Variants in ITM2B observed in about 807,000 individuals in gnomAD.
The protein encoded by ITM2B is ABri/ADan amyloid peptide.
A neutral mutation model predicts 27.8 loss-of-function variants in ITM2B; 11 were observed. The observed-to-expected ratio is 0.40, with a 90% CI of 0.25 to 0.66. The LOEUF (loss-of-function observed/expected upper bound fraction) is 0.66. Ranked by LOEUF, ITM2B falls within the 30% of genes least tolerant of loss-of-function variation. The pLI is 0.43. For missense variants in ITM2B, 296 were observed against 328.9 expected (o/e 0.90, Z 0.77); for synonymous variants, 114 against 114.3 (o/e 1.00, Z 0.02).
chr13:48,258,930 G>A lies in ITM2B; in HGVS notation c.698G>A (p.Arg233His), dbSNP rs368050477. 7 of 1,612,774 alleles carry A rather than the reference G, an allele frequency of 4.3e-6. No individual in the cohort carries two copies. Among genetic ancestry groups the A allele is most frequent in the Non-Finnish European group, 5.1e-6 (6 of 1,179,062 alleles). ...CHDKETYKLQ[R>H]RETIKGIQKR... ...GACAAGGAAACTTACAAACTGCAAC[G>A]CAGAGAAACTATTAAAGGTAATACT... The change falls in exon 5 of 6, where the codon CGC becomes CAC. Residue 233 changes from arginine (R) to histidine (H), a missense_variant. By Grantham distance (29) the Arg-to-His change is conservative. Coordinates refer to ENST00000647800, the MANE Select transcript of ITM2B (RefSeq NM_021999.5).
At chr13:48,239,556 T>A (rs985644245) in intron 1 of ITM2B, among the ~76,000 whole-genome samples, 2 of 152,278 alleles carry the variant, frequency 1.3e-5, no homozygotes, top group East Asian at 3.9e-4. Context: ...CGCTTGAATC[T>A]GGGAGATGGA....
At chr13:48,258,468 C>G (rs539754838) in intron 4 of ITM2B, among the ~76,000 whole-genome samples, 1 of 151,996 alleles carries the variant, frequency 6.6e-6, no homozygotes, top group African/African-American at 2.4e-5. Flanking sequence ...AAATATTAGC[C>G]AACTACTTAA....
chr13:48,256,919 C>T (rs927071334), intron 3 of ITM2B, among the ~76,000 whole-genome samples: 1 of 152,036 alleles, frequency 6.6e-6, no homozygotes, highest in Non-Finnish European at 1.5e-5. Context: ...CCTACGTAAC[C>T]ACATAATTAT....
chr13:48,254,493 T>C (rs1463772879), intron 2 of ITM2B, among the ~76,000 whole-genome samples: 1 of 152,226 alleles, frequency 6.6e-6, no homozygotes, highest in Non-Finnish European at 1.5e-5. Flanking sequence ...GTAATCCCAG[T>C]GGGTTAAGAC....
intron 4 of ITM2B, 63 bp downstream of exon 4, chr13:48,258,299 G>A (rs1951801821): frequency 1.1e-6 from 1 of 891,990 alleles, no homozygotes; most frequent in South Asian, 1.3e-5. Context: ...ATTCCCTGTT[G>A]AGAAATTAGC....
At position 48,267,596 on chromosome 13, in the gene ITM2B, T is replaced by C. The variant is rs899799013; in HGVS notation, c.*6372T>C. On this transcript the variant is annotated 3_prime_UTR_variant, in exon 6 of 6. Transcript: ENST00000647800. ...TCTCTTGACTTTTGTTGAGGATTGA[T>C]AGAAATAAAAATGAGCCAGAAATGT... 2 of 152,228 alleles carry C rather than the reference T, an allele frequency of 1.3e-5. No individual in the cohort carries two copies. Among genetic ancestry groups the C allele is most frequent in the African/African-American group, 4.8e-5 (2 of 41,460 alleles). 9.4% of individuals were successfully genotyped at this position (152,228 alleles called of 1,614,324 possible). A position where few individuals can be genotyped will look rare whatever the true frequency, so the allele number is the denominator to read the frequency against.
In ITM2B at chr13:48,268,314, T is replaced by A. The variant is rs886738088; in HGVS notation, c.*7090T>A. The A allele has an allele frequency of 6.6e-6, 1 of 151,718 alleles. No individual in the cohort carries two copies. The highest frequency in any genetic ancestry group is 2.4e-5 in the African/African-American group (1 of 41,298). 9.4% of individuals were successfully genotyped at this position (151,718 alleles called of 1,614,324 possible). On this transcript the variant is annotated 3_prime_UTR_variant, in exon 6 of 6. Transcript: ENST00000647800. ...TTTTAAATTTATTTTTTATTTTTTT[T>A]TTTTTGAGACAGAGTCTGGCTCTGT...
intron 1 of ITM2B, among the ~76,000 whole-genome samples, chr13:48,246,548 C>T (rs940483439): frequency 6.6e-6 from 1 of 152,174 alleles, no homozygotes; most frequent in Admixed American, 6.6e-5. Context: ...TAGCGGATCA[C>T]CACATCATGT....
At position 48,258,883 on chromosome 13, in the gene ITM2B, C is replaced by G. The variant is rs1048587576; in HGVS notation, c.651C>G (p.Phe217Leu). 4 of 1,613,216 alleles carry G rather than the reference C, an allele frequency of 2.5e-6. No homozygotes were observed. Among genetic ancestry groups the G allele is most frequent in the African/African-American group, 1.3e-5 (1 of 74,890 alleles). The change falls in exon 5 of 6, where the codon TTC (phenylalanine) becomes TTG (leucine). Residue 217 changes from phenylalanine to leucine, a missense_variant. Phe to Leu is a conservative substitution (Grantham distance 22, BLOSUM62 0). Transcript: ENST00000647800. ...TTGAAAACATTGATCACCTGGGTTT[C>G]TTTATTTATCGACTGTGTCATGACA... ...DRIENIDHLG[F>L]FIYRLCHDKE...
chr13:48,233,315 C>T lies in ITM2B; in HGVS notation c.-46C>T, dbSNP rs1951646012. 13 of 1,284,252 alleles carry T rather than the reference C, an allele frequency of 1.0e-5. No homozygotes were observed. Among genetic ancestry groups the T allele is most frequent in the Non-Finnish European group, 1.3e-5 (12 of 926,734 alleles). 79.6% of individuals were successfully genotyped at this position (1,284,252 alleles called of 1,614,324 possible). ...ATCGCAGCCGGGAGCCCGCAGCCCG[C>T]GCCCCGAGCCCGCCGCCGCCCTTCG... On this transcript the variant is annotated 5_prime_UTR_variant, in exon 1 of 6. Coordinates refer to ENST00000647800, the MANE Select transcript of ITM2B (RefSeq NM_021999.5).
intron 1 of ITM2B, among the ~76,000 whole-genome samples, chr13:48,237,765 A>G (rs1294984626): frequency 6.6e-6 from 1 of 152,178 alleles, no homozygotes; most frequent in Non-Finnish European, 1.5e-5. Flanking sequence ...TTATCATACC[A>G]TAACTTAAAT....
In ITM2B at chr13:48,268,086, AT is replaced by A. The variant is rs1951862841; in HGVS notation, c.*6865del. On this transcript the variant is annotated 3_prime_UTR_variant, in exon 6 of 6. Coordinates refer to ENST00000647800, the MANE Select transcript of ITM2B (RefSeq NM_021999.5). Reference sequence around the variant, plus strand: ...TTCCCTCTGCTAAAACTACTTTTTCATTTCTATGACCATAGTTCAGTTTTTG... The same window carrying A: ...TTCCCTCTGCTAAAACTACTTTTTCATTCTATGACCATAGTTCAGTTTTTG... 1 of 152,024 alleles carries A rather than the reference AT, an allele frequency of 6.6e-6. No individual in the cohort carries two copies. The highest frequency in any genetic ancestry group is 2.4e-5 in the African/African-American group (1 of 41,402). The allele number at this position is 152,024 out of a possible 1,614,324, so 9.4% of individuals were successfully genotyped here. A position where few individuals can be genotyped will look rare whatever the true frequency, so the allele number is the denominator to read the frequency against.
At chr13:48,239,798 A>C (rs762170233) in intron 1 of ITM2B, among the ~76,000 whole-genome samples, 45 of 152,322 alleles carry the variant, frequency 3.0e-4, no homozygotes, top group Non-Finnish European at 5.0e-4. Context: ...ATCTCCTTTA[A>C]AGTGGAACGC....
intron 1 of ITM2B, among the ~76,000 whole-genome samples, chr13:48,253,266 G>A (rs1458858016): frequency 6.6e-6 from 1 of 152,038 alleles, no homozygotes; most frequent in African/African-American, 2.4e-5. Flanking sequence ...AATAATTTTA[G>A]TATCATTGTT....
At chr13:48,244,622 G>A (rs1951715494) in intron 1 of ITM2B, among the ~76,000 whole-genome samples, 1 of 152,092 alleles carries the variant, frequency 6.6e-6, no homozygotes, top group African/African-American at 2.4e-5. Flanking sequence ...CATTTTAAAT[G>A]AAATTACCCA....
intron 1 of ITM2B, among the ~76,000 whole-genome samples, chr13:48,235,029 C>T (rs1202894601): frequency 7.2e-6 from 1 of 138,514 alleles, no homozygotes; most frequent in Non-Finnish European, 1.6e-5. Flanking sequence ...TATATATACA[C>T]ACATACATTT....
chr13:48,252,442 C>T (rs150522996), intron 1 of ITM2B, among the ~76,000 whole-genome samples: 3 of 152,252 alleles, frequency 2.0e-5, no homozygotes, highest in Non-Finnish European at 4.4e-5. Flanking sequence ...CTCTTAGGAG[C>T]GCAAACCCTA....
At chr13:48,255,765 G>C (rs1951783379) in intron 2 of ITM2B, among the ~76,000 whole-genome samples, 1 of 151,738 alleles carries the variant, frequency 6.6e-6, no homozygotes, top group Non-Finnish European at 1.5e-5. Flanking sequence ...TAAGAAAAAA[G>C]TCATTTAATT....
chr13:48,233,533 C>G (rs1338326000), intron 1 of ITM2B, 56 bp downstream of exon 1: 1 of 1,239,680 alleles, frequency 8.1e-7, no homozygotes, highest in Non-Finnish European at 1.1e-6. Flanking sequence ...GGGAGGGCTG[C>G]GCGGACTGCA....
Sources: allele counts gnomAD v4.1 joint callset (sites outside exome capture counted in the v4.1 genomes callset), GRCh38; gene constraint gnomAD v4.1.1; transcripts MANE v1.5; gene names NCBI Gene and HGNC (gene_info 2026-07-23, HGNC 2026-07-21).